Variants in ADCY2 observed in about 807,000 individuals in gnomAD.
The protein encoded by ADCY2 is adenylate cyclase type 2.
Under a neutral mutation model 125.2 loss-of-function variants are expected in ADCY2, and 31 were observed. That is an observed-to-expected ratio of 0.25 (90% CI 0.19 to 0.33). The LOEUF (loss-of-function observed/expected upper bound fraction) is 0.33. ADCY2 is among the 10% of genes least tolerant of loss of function. The pLI is 1.00. For synonymous variants in ADCY2, 512 were observed against 548.4 expected, an observed-to-expected ratio of 0.93 and a Z score of 0.93; for missense variants, 904 against 1,418.2, an observed-to-expected ratio of 0.64 and a Z score of 5.82.
At chr5:7,501,139 A>G (rs190515614) in intron 2 of ADCY2, among the ~76,000 whole-genome samples, 44 of 151,522 alleles carry the variant, frequency 2.9e-4, no homozygotes, top group Non-Finnish European at 5.0e-4. Context: ...TTTAAAAAAA[A>G]AAAAAAAGGT....
At chr5:7,706,968 C>T in intron 8 of ADCY2, 66 bp downstream of exon 8, 1 of 1,584,972 alleles carries the variant, frequency 6.3e-7, no homozygotes, top group Non-Finnish European at 8.6e-7. Context: ...AGATTATCAG[C>T]CTAATGACGG....
intron 4 of ADCY2, among the ~76,000 whole-genome samples, chr5:7,650,146 T>A (rs1302598640): frequency 6.6e-6 from 1 of 151,958 alleles, no homozygotes; most frequent in Non-Finnish European, 1.5e-5. Flanking sequence ...TAACTGGCAT[T>A]ACTCTCATCT....
chr5:7,442,435 G>A (rs1204001196), intron 2 of ADCY2, among the ~76,000 whole-genome samples: 2 of 152,062 alleles, frequency 1.3e-5, no homozygotes, highest in Non-Finnish European at 2.9e-5. Context: ...ATTAGATTTG[G>A]TTTAACTTTT....
At chr5:7,523,729 A>G (rs1744545994) in intron 3 of ADCY2, among the ~76,000 whole-genome samples, 1 of 152,194 alleles carries the variant, frequency 6.6e-6, no homozygotes, top group African/African-American at 2.4e-5. Context: ...CTTTTTATGC[A>G]TGGTGTATAT....
intron 22 of ADCY2, among the ~76,000 whole-genome samples, chr5:7,808,307 T>A (rs571721505): frequency 6.6e-6 from 1 of 152,276 alleles, no homozygotes; most frequent in South Asian, 2.1e-4. Flanking sequence ...GCCTTCAAAG[T>A]CCCCAGCAGG....
chr5:7,788,062 A>T (rs1744136001), intron 19 of ADCY2, among the ~76,000 whole-genome samples: 1 of 151,618 alleles, frequency 6.6e-6, no homozygotes, highest in Non-Finnish European at 1.5e-5. Context: ...TTTTAAATCC[A>T]TTCTTCAAGT....
intron 19 of ADCY2, among the ~76,000 whole-genome samples, chr5:7,784,953 G>A (rs974783075): frequency 2.0e-5 from 3 of 152,034 alleles, no homozygotes; most frequent in African/African-American, 7.2e-5. Flanking sequence ...TCCTTCTTTG[G>A]TCCCTCCAAC....
chr5:7,443,884 T>C (rs747827942), intron 2 of ADCY2, among the ~76,000 whole-genome samples: 12 of 151,950 alleles, frequency 7.9e-5, no homozygotes, highest in Non-Finnish European at 1.8e-4. Flanking sequence ...TTCTCCCTGA[T>C]ATATAGTTGT....
chr5:7,692,661 CT>C (rs1740740570), intron 5 of ADCY2, among the ~76,000 whole-genome samples: 1 of 152,156 alleles, frequency 6.6e-6, no homozygotes, highest in Non-Finnish European at 1.5e-5. Context: ...TTTTAAGTCA[CT>C]TTTTGACCAC....
chr5:7,515,527 T>C (rs1041800425), intron 2 of ADCY2, among the ~76,000 whole-genome samples: 3 of 152,192 alleles, frequency 2.0e-5, no homozygotes, highest in Admixed American at 6.5e-5. Context: ...CTGACAAATG[T>C]CTGTCCAGTT....
intron 12 of ADCY2, among the ~76,000 whole-genome samples, chr5:7,723,931 A>AAAAAAG (rs1353614426): frequency 6.8e-6 from 1 of 147,000 alleles, no homozygotes; most frequent in Non-Finnish European, 1.5e-5. Flanking sequence ...AAAAAAAAAA[A>AAAAAAG]AAAAAAAAAA....
intron 3 of ADCY2, among the ~76,000 whole-genome samples, chr5:7,620,656 T>A (rs1317046286): frequency 6.6e-6 from 1 of 152,208 alleles, no homozygotes; most frequent in Admixed American, 6.5e-5. Context: ...AAACTGTACC[T>A]GATTATTTTC....
chr5:7,643,380 C>G (rs915004196), intron 4 of ADCY2, among the ~76,000 whole-genome samples: 8 of 152,028 alleles, frequency 5.3e-5, no homozygotes, highest in African/African-American at 1.9e-4. Flanking sequence ...CTAGTGCTTT[C>G]TACCTGAGCT....
At chr5:7,745,217 C>T (rs1033396307) in intron 15 of ADCY2, among the ~76,000 whole-genome samples, 3 of 152,200 alleles carry the variant, frequency 2.0e-5, no homozygotes, top group Non-Finnish European at 4.4e-5. Flanking sequence ...CCATTGCATT[C>T]CAGTCTGATG....
At chr5:7,653,251 G>A (rs1739159382) in intron 4 of ADCY2, among the ~76,000 whole-genome samples, 1 of 152,184 alleles carries the variant, frequency 6.6e-6, no homozygotes, top group African/African-American at 2.4e-5. Flanking sequence ...AGCAGGCAGT[G>A]TGGACTCGAG....
intron 10 of ADCY2, among the ~76,000 whole-genome samples, chr5:7,711,211 C>T (rs540100388): frequency 1.3e-5 from 2 of 152,124 alleles, no homozygotes; most frequent in African/African-American, 4.8e-5. Flanking sequence ...AAGAAGAGAA[C>T]AATCCAAGGT....
intron 7 of ADCY2, among the ~76,000 whole-genome samples, chr5:7,700,050 C>A (rs1321147696): frequency 6.6e-6 from 1 of 152,158 alleles, no homozygotes; most frequent in Non-Finnish European, 1.5e-5. Flanking sequence ...CAATTTCTGA[C>A]AAATTCTGTG....
intron 3 of ADCY2, chr5:7,611,098 T>C (rs1657817765): frequency 6.6e-6 from 1 of 152,192 alleles, no homozygotes; most frequent in African/African-American, 2.4e-5. Context: ...CACCTGACCA[T>C]GGGAAGCTCT....
intron 17 of ADCY2, 79 bp from the exon 18 acceptor site, chr5:7,772,853 G>T (rs1416863770): frequency 1.4e-6 from 2 of 1,399,732 alleles, no homozygotes; most frequent in Non-Finnish European, 2.0e-6. Flanking sequence ...GAGATGGGCG[G>T]TGGTCCCCTG....
Sources: allele counts gnomAD v4.1 joint callset (sites outside exome capture counted in the v4.1 genomes callset), GRCh38; gene constraint gnomAD v4.1.1; transcripts MANE v1.5; gene names NCBI Gene and HGNC (gene_info 2026-07-23, HGNC 2026-07-21).